SRPK2: variants seen among roughly 807,000 people sequenced by gnomAD.
SRPK2 encodes the protein SFRS protein kinase 2.
A neutral mutation model predicts 90.8 loss-of-function variants in SRPK2; 21 were observed. The observed-to-expected ratio is 0.23, with a 90% confidence interval of 0.16 to 0.33. The LOEUF (loss-of-function observed/expected upper bound fraction) is 0.33, where lower values mean the gene tolerates loss of function less well. Ranked by LOEUF, SRPK2 falls within the 10% of genes least tolerant of loss-of-function variation. The pLI, the probability that SRPK2 is intolerant of heterozygous loss-of-function variation, is 1.00. For synonymous variants in SRPK2, 288 were observed against 311.1 expected, an observed-to-expected ratio of 0.93 and a Z score of 0.78; for missense variants, 620 against 869.0, an observed-to-expected ratio of 0.71 and a Z score of 3.60.
At chr7:105,293,733 A>G (rs1217320711) in intron 2 of SRPK2, among the ~76,000 whole-genome samples, 2 of 152,086 alleles carry the variant, frequency 1.3e-5, no homozygotes, top group Non-Finnish European at 1.5e-5. Context: ...TTTCCATTTT[A>G]GAGGTAAGAA....
chr7:105,133,665 T>C (rs990591570), intron 11 of SRPK2, among the ~76,000 whole-genome samples: 8 of 152,220 alleles, frequency 5.3e-5, no homozygotes, highest in African/African-American at 1.9e-4. Flanking sequence ...AAGGGGTAGA[T>C]GACTGTTGAT....
At chr7:105,348,952 C>A (rs947789131) in intron 2 of SRPK2, among the ~76,000 whole-genome samples, 10 of 150,796 alleles carry the variant, frequency 6.6e-5, no homozygotes, top group Non-Finnish European at 1.5e-4. Context: ...TCGAGACCAG[C>A]CTGGCCAACA....
chr7:105,148,837 C>G (rs896328024), intron 7 of SRPK2, among the ~76,000 whole-genome samples: 2 of 152,206 alleles, frequency 1.3e-5, no homozygotes, highest in Non-Finnish European at 2.9e-5. Context: ...TATATGAAAT[C>G]AAGGTTTAAG....
At chr7:105,115,145 A>G (rs1018741604), downstream of SRPK2, 3 of 152,238 alleles carry the variant, frequency 2.0e-5, no homozygotes, top group African/African-American at 7.2e-5. Flanking sequence ...GATGAAGTAT[A>G]TACTCTAAAA....
At chr7:105,154,097 A>C (rs1473665668) in intron 7 of SRPK2, among the ~76,000 whole-genome samples, 2 of 152,328 alleles carry the variant, frequency 1.3e-5, no homozygotes, top group Admixed American at 1.3e-4. Flanking sequence ...CCTTACCCAC[A>C]TTGTCCTGAA....
intron 2 of SRPK2, among the ~76,000 whole-genome samples, chr7:105,273,067 T>G (rs962062315): frequency 2.0e-5 from 3 of 151,754 alleles, no homozygotes; most frequent in Non-Finnish European, 2.9e-5. Flanking sequence ...TACAAAAAAT[T>G]AGCCAGGCGT....
At chr7:105,266,356 A>C (rs1346650157) in intron 2 of SRPK2, among the ~76,000 whole-genome samples, 1 of 152,190 alleles carries the variant, frequency 6.6e-6, no homozygotes, top group African/African-American at 2.4e-5. Context: ...ATGAAAAATT[A>C]CTAGAAATAA....
rs143122520 is a variant in SRPK2 at position 105,201,847 on chromosome 7, G to A, written c.229+1781C>T. On this transcript the variant is annotated intron_variant, in intron 3 of 15. Coordinates refer to ENST00000393651, the MANE Select transcript of SRPK2 (RefSeq NM_182692.3). ...TGCAGTGAGCTGTGATCACGCCATT[G>A]CACTCCAGCCTGGGCAACAGAACAA... is the stretch of plus-strand genomic sequence containing the variant. Among the ~76,000 whole-genome samples the A allele has an allele frequency of 5.9e-5, 9 of 152,132 alleles. No individual in the cohort carries two copies. The East Asian group carries it at 1.7e-3, about 29-fold the overall frequency.
intron 2 of SRPK2, among the ~76,000 whole-genome samples, chr7:105,325,770 C>T (rs1563241132): frequency 6.6e-6 from 1 of 152,138 alleles, no homozygotes; most frequent in Non-Finnish European, 1.5e-5. Flanking sequence ...AGGGGGATCA[C>T]CTGAGCCCAG....
At chr7:105,355,726 T>C (rs1184240376) in intron 2 of SRPK2, among the ~76,000 whole-genome samples, 2 of 152,050 alleles carry the variant, frequency 1.3e-5, no homozygotes, top group African/African-American at 2.4e-5. Flanking sequence ...AGCCTTTGCA[T>C]AAGACACAGC....
chr7:105,142,390 C>T lies in SRPK2; in HGVS notation c.1161G>A (p.Thr387=), dbSNP rs1023435872. ...VDQELANIDP[T]WIESPKTNGH... The stretch of plus-strand genomic sequence containing the variant: ...CATTGGTTTTAGGTGATTCTATCCA[C>T]GTAGGGTCTATGTTCGCAAGTTCCT... The change falls in exon 11 of 16, where the codon ACG becomes ACA. Residue 387 remains threonine (T), a synonymous_variant. Transcript: ENST00000393651. 13 of 1,613,910 alleles carry T rather than the reference C, an allele frequency of 8.1e-6. No homozygotes were observed. Among genetic ancestry groups the T allele is most frequent in the African/African-American group, 5.3e-5 (4 of 74,868 alleles).
intron 2 of SRPK2, chr7:105,297,415 T>C: frequency 4.1e-6 from 4 of 972,042 alleles, no homozygotes; most frequent in Non-Finnish European, 4.9e-6. Flanking sequence ...TTGTACTTAA[T>C]GTTACCTTAT....
chr7:105,247,732 T>G (rs1801902324), intron 2 of SRPK2, among the ~76,000 whole-genome samples: 1 of 152,192 alleles, frequency 6.6e-6, no homozygotes, highest in Non-Finnish European at 1.5e-5. Context: ...AAAAAAAGTT[T>G]TTTATTTTTA....
At chr7:105,259,389 C>G (rs986978616) in intron 2 of SRPK2, among the ~76,000 whole-genome samples, 7 of 152,040 alleles carry the variant, frequency 4.6e-5, no homozygotes, top group African/African-American at 9.7e-5. Context: ...AAGAGGACAC[C>G]AACAAATGGA....
chr7:105,150,779 G>A (rs1246705222), intron 7 of SRPK2, among the ~76,000 whole-genome samples: 1 of 152,150 alleles, frequency 6.6e-6, no homozygotes, highest in Non-Finnish European at 1.5e-5. Flanking sequence ...AGCCCATAGA[G>A]GTCAAAGGAA....
chr7:105,341,540 G>A lies in SRPK2; in HGVS notation c.71+47108C>T, dbSNP rs1438089800. The stretch of plus-strand genomic sequence containing the variant: ...ATACAAAAATTAGTCAGGCATGGTG[G>A]TGCACACCTGTAGTCCCAGCTACTT... On this transcript the variant is annotated intron_variant, in intron 2 of 15. Transcript: ENST00000393651. Among the ~76,000 whole-genome samples, 3 of 152,172 alleles carry A rather than the reference G, an allele frequency of 2.0e-5. No individual in the cohort carries two copies. In the East Asian group the frequency reaches 5.8e-4, roughly 29 times the overall value.
intron 13 of SRPK2, among the ~76,000 whole-genome samples, chr7:105,129,759 C>G (rs1344077802): frequency 1.3e-5 from 2 of 152,192 alleles, no homozygotes; most frequent in Non-Finnish European, 2.9e-5. Context: ...AGGGCTCTTC[C>G]CTGGACCTAC....
Position 105,294,477 on chromosome 7 carries a change from C to T in SRPK2, c.72-90692G>A, listed in dbSNP as rs186284247. Among the ~76,000 whole-genome samples the T allele has an allele frequency of 5.8e-4, 88 of 152,140 alleles. 2 individuals are homozygous for T. The highest frequency in any genetic ancestry group is 4.3e-3 in the Admixed American group (65 of 15,260). On this transcript the variant is annotated intron_variant, in intron 2 of 15. Coordinates refer to ENST00000393651, the MANE Select transcript of SRPK2 (RefSeq NM_182692.3). The stretch of plus-strand genomic sequence containing the variant: ...TGTGAGGTTTGAAACGAAGGGAAAG[C>T]TATGCCTGGATCTTTCTTTTTTGTT...
intron 11 of SRPK2, among the ~76,000 whole-genome samples, chr7:105,140,243 A>AG (rs1468501111): frequency 6.6e-6 from 1 of 152,190 alleles, no homozygotes; most frequent in Admixed American, 6.5e-5. Flanking sequence ...ATGGATATGG[A>AG]GGGCTGACTG....
Sources: gnomAD v4.1 joint callset for allele counts (sites outside exome capture counted in the v4.1 genomes callset) on GRCh38, gnomAD v4.1.1 for gene constraint, MANE v1.5 for transcripts, NCBI Gene and HGNC (gene_info 2026-07-23, HGNC 2026-07-21) for gene names.